Variants in TP73 observed in about 807,000 individuals in gnomAD.
The protein encoded by TP73 is p53-like transcription factor.
Under a neutral mutation model 62.5 loss-of-function variants are expected in TP73, and 25 were observed. The ratio of observed to expected loss-of-function variants is 0.40; its 90% CI spans 0.29 to 0.56. The LOEUF (loss-of-function observed/expected upper bound fraction) is 0.56, where lower values mean the gene tolerates loss of function less well. Ranked by LOEUF, TP73 falls within the 20% of genes least tolerant of loss-of-function variation. The probability of loss-of-function intolerance (pLI) is 0.46; values close to 1 mark genes in which losing one functional copy is unlikely to be tolerated. For synonymous variants in TP73, 423 were observed against 377.5 expected (o/e 1.12, Z -1.40); for missense variants, 754 against 913.3 (o/e 0.83, Z 2.25).
intron 4 of TP73, among the ~76,000 whole-genome samples, chr1:3,719,662 T>C (rs747828): frequency 0.049 from 7,393 of 152,306 alleles, 284 homozygotes; most frequent in East Asian, 0.18. Flanking sequence ...CAGGGCTACC[T>C]GCTTATCCTT....
Position 3,699,373 on chromosome 1 carries a change from A to G in TP73, c.187-8176A>G, listed in dbSNP as rs1267329976. ...TTTGAGGAGCGGCATACTCTCAAAA[A>G]ACCACAACAGTCTGGTCTCAATATT... On this transcript the variant is annotated intron_variant, in intron 3 of 13. Coordinates refer to ENST00000378295, the MANE Select transcript of TP73 (RefSeq NM_005427.4). The surrounding 1 kb of genome is among the most constrained non-coding windows in gnomAD (Gnocchi z 4.1). 6.6e-6 allele frequency among the ~76,000 whole-genome samples: 1 copy of G among 152,100 alleles called. No individual in the cohort carries two copies. The highest frequency in any genetic ancestry group is 1.5e-5 in the Non-Finnish European group (1 of 68,016).
intron 4 of TP73, among the ~76,000 whole-genome samples, chr1:3,715,675 G>T (rs371999176): frequency 6.6e-6 from 1 of 152,172 alleles, no homozygotes; most frequent in African/African-American, 2.4e-5. Context: ...GTCTCCCCAG[G>T]TCTCCACACC....
intron 3 of TP73, among the ~76,000 whole-genome samples, chr1:3,697,130 T>A (rs1220046083): frequency 6.6e-6 from 1 of 150,966 alleles, no homozygotes; most frequent in Non-Finnish European, 1.5e-5. Context: ...TGCCTGCAAA[T>A]GTGCCTGGGG....
chr1:3,667,270 C>G (rs1645140145), intron 1 of TP73, among the ~76,000 whole-genome samples: 2 of 152,222 alleles, frequency 1.3e-5, no homozygotes, highest in African/African-American at 4.8e-5. Flanking sequence ...CCAGAAGCAG[C>G]CAGCCCTGCC....
chr1:3,723,826 G>A (rs182171848), intron 6 of TP73, among the ~76,000 whole-genome samples: 118 of 152,352 alleles, frequency 7.7e-4, no homozygotes, highest in Middle Eastern at 3.4e-3. Context: ...GAGATGGGGA[G>A]GTCCCCGCCC....
intron 4 of TP73, among the ~76,000 whole-genome samples, chr1:3,715,310 C>T (rs1640501818): frequency 6.6e-6 from 1 of 151,968 alleles, no homozygotes; most frequent in South Asian, 2.1e-4. Context: ...CTGCAGTGCC[C>T]AGTCTTCCTG....
intron 4 of TP73, among the ~76,000 whole-genome samples, chr1:3,711,591 G>A (rs954518615): frequency 1.3e-5 from 2 of 152,268 alleles, no homozygotes; most frequent in African/African-American, 4.8e-5. Flanking sequence ...ACGGGGCTCT[G>A]AGGTCAGGCA....
chr1:3,733,392 C>A lies in TP73; in HGVS notation c.*313C>A. The A allele has an allele frequency of 4.6e-6, 2 of 435,502 alleles. No homozygotes were observed. Among genetic ancestry groups the A allele is most frequent in the Non-Finnish European group, 8.3e-6 (2 of 240,930 alleles). The allele number at this position is 435,502 out of a possible 1,614,324, so 27.0% of individuals were successfully genotyped here. A position where few individuals can be genotyped will look rare whatever the true frequency, so the allele number is the denominator to read the frequency against. On this transcript the variant is annotated 3_prime_UTR_variant, in exon 14 of 14. Transcript: ENST00000378295. ...GCTCCATGGCAGGCGTGGGTGGGGA[C>A]CGCAGCGTCGGCTCCGACTTCCAGG...
rs369485809 is a variant in TP73 at position 3,732,865 on chromosome 1, C to A, written c.1697C>A (p.Ala566Glu). 1 of 1,612,082 alleles carries A rather than the reference C, an allele frequency of 6.2e-7. No individual in the cohort carries two copies. The highest frequency in any genetic ancestry group is 1.1e-5 in the South Asian group (1 of 91,026). The change falls in exon 14 of 14, where the codon GCG (alanine) becomes GAG (glutamate). Residue 566 changes from alanine to glutamate, a missense_variant. Physicochemically the swap from Ala to Glu is moderately radical, Grantham distance 107 (BLOSUM62 -1). Transcript: ENST00000378295. ...TAQQLLRSSNAATISIGGSGE... is the reference protein window; with the variant it reads ...TAQQLLRSSNEATISIGGSGE... ...CAGCAGCTGCTCCGCTCTAGCAACGCGGCCACCATCTCCATCGGCGGCTCA... is the reference window on the plus strand; with the variant it reads ...CAGCAGCTGCTCCGCTCTAGCAACGAGGCCACCATCTCCATCGGCGGCTCA...
intron 1 of TP73, among the ~76,000 whole-genome samples, chr1:3,659,992 C>T (rs1231710454): frequency 6.6e-6 from 1 of 152,160 alleles, no homozygotes; most frequent in African/African-American, 2.4e-5. Flanking sequence ...GTCAGATTAA[C>T]TTGTTTGTAA....
chr1:3,730,249 G>A, intron 11 of TP73, 101 bp downstream of exon 11: 1 of 1,324,280 alleles, frequency 7.6e-7, no homozygotes, highest in Non-Finnish European at 9.9e-7. Flanking sequence ...CAGGGCAGGT[G>A]TCTCTGTGGC....
intron 3 of TP73, among the ~76,000 whole-genome samples, chr1:3,690,499 T>C (rs1424432724): frequency 6.6e-6 from 1 of 152,122 alleles, no homozygotes. Flanking sequence ...AGGCAGCATC[T>C]CGGAAGGAGC....
intron 3 of TP73, among the ~76,000 whole-genome samples, chr1:3,683,869 A>C (rs3765710): frequency 0.19 from 28,602 of 152,214 alleles, 2,863 homozygotes; most frequent in Admixed American, 0.27. Context: ...GGACCCCCAA[A>C]GGAAGATGGA....
intron 3 of TP73, among the ~76,000 whole-genome samples, chr1:3,692,302 GA>G (rs1043586918): frequency 5.9e-5 from 9 of 152,184 alleles, no homozygotes; most frequent in African/African-American, 2.2e-4. Flanking sequence ...GAGGGTGGGT[GA>G]GGGTGTGGGT....
In TP73 at chr1:3,722,216, C is replaced by G. The variant is rs373969374; in HGVS notation, c.616+9C>G. The G allele has an allele frequency of 6.2e-7, 1 of 1,612,324 alleles. No homozygotes were observed. Among genetic ancestry groups the G allele is most frequent in the East Asian group, 2.2e-5 (1 of 44,874 alleles). On this transcript the variant is annotated intron_variant, in intron 5 of 13. Coordinates refer to ENST00000378295, the MANE Select transcript of TP73 (RefSeq NM_005427.4). ...GAGGGACTTCAACGAAGGTGAGGGCCCCCAGCTCCTCTGCCCACGGTGGCA... is the reference window on the plus strand; with the variant it reads ...GAGGGACTTCAACGAAGGTGAGGGCGCCCAGCTCCTCTGCCCACGGTGGCA...
chr1:3,686,254 G>A (rs1318284794), intron 3 of TP73, among the ~76,000 whole-genome samples: 1 of 152,210 alleles, frequency 6.6e-6, no homozygotes, highest in African/African-American at 2.4e-5. Flanking sequence ...TGGGGGACGT[G>A]GGTCTCCCCG....
rs1039865828 is a variant in TP73, at chr1:3,703,903, A to G, written c.187-3646A>G. On this transcript the variant is annotated intron_variant, in intron 3 of 13. Coordinates refer to ENST00000378295, the MANE Select transcript of TP73 (RefSeq NM_005427.4). Reference sequence around the variant, plus strand: ...CATCCCTGAGGCCATCCCCGGGCCCAAAACAGGGAAGACCTTTCCAGGAAG... The same window carrying G: ...CATCCCTGAGGCCATCCCCGGGCCCGAAACAGGGAAGACCTTTCCAGGAAG... Among the ~76,000 whole-genome samples, 4 of 152,290 alleles carry G rather than the reference A, an allele frequency of 2.6e-5. No individual in the cohort carries two copies. The East Asian group carries it at 7.8e-4, about 30-fold the overall frequency.
At chr1:3,692,268 G>C (rs1393662776) in intron 3 of TP73, among the ~76,000 whole-genome samples, 1 of 152,178 alleles carries the variant, frequency 6.6e-6, no homozygotes, top group Non-Finnish European at 1.5e-5. Flanking sequence ...TTTGAGAAGA[G>C]AGGCAGTGTG....
chr1:3,670,016 G>C lies in TP73; in HGVS notation c.-33-12317G>C, dbSNP rs886723160. ...TCCCTGAAGCCTTGGGGGAATGTCC[G>C]AGGGGCCAGGGCCTCTGGATCCTGT... is the stretch of plus-strand genomic sequence containing the variant. On this transcript the variant is annotated intron_variant, in intron 1 of 13. Coordinates refer to ENST00000378295, the MANE Select transcript of TP73 (RefSeq NM_005427.4). The surrounding 1 kb of genome is among the most constrained non-coding windows in gnomAD (Gnocchi z 5.9). 6.6e-6 allele frequency among the ~76,000 whole-genome samples: 1 copy of C among 152,172 alleles called. No individual in the cohort carries two copies. Among genetic ancestry groups the C allele is most frequent in the Non-Finnish European group, 1.5e-5 (1 of 68,030 alleles).
Sources: allele counts gnomAD v4.1 joint callset (sites outside exome capture counted in the v4.1 genomes callset), GRCh38; gene constraint gnomAD v4.1.1; non-coding constraint Gnocchi (gnomAD v3.1); transcripts MANE v1.5; gene names NCBI Gene and HGNC (gene_info 2026-07-23, HGNC 2026-07-21).